ENTHD1: variants seen among roughly 807,000 people sequenced by gnomAD.
ENTHD1 encodes ENTH domain containing 1, also known as ENTH domain-containing protein 1.
ENTHD1 carries 23 observed loss-of-function variants against 39.1 expected under a neutral mutation model. The observed-to-expected ratio is 0.59, with a 90% CI of 0.42 to 0.83. The LOEUF (loss-of-function observed/expected upper bound fraction) is 0.83. Among genes scored for constraint, ENTHD1 ranks in the 40% least tolerant of loss-of-function variants. The pLI, the probability that ENTHD1 is intolerant of heterozygous loss-of-function variation, is 0.00. For missense variants in ENTHD1, 624 were observed against 705.4 expected, an observed-to-expected ratio of 0.88 and a Z score of 1.31; for synonymous variants, 230 against 258.2, an observed-to-expected ratio of 0.89 and a Z score of 1.05.
chr22:39,843,191 T>C (rs112198979), intron 3 of ENTHD1, among the ~76,000 whole-genome samples: 3 of 152,130 alleles, frequency 2.0e-5, no homozygotes, highest in East Asian at 1.9e-4. Flanking sequence ...TTCACAATAG[T>C]AAAGACTTGG....
rs2065227446 is a variant in ENTHD1, at chr22:39,760,823, T to C, written c.1219+4400A>G. On this transcript the variant is annotated intron_variant, in intron 6 of 6. Transcript: ENST00000325157. ...GCATGCTTAACTTATCGTGAGTTAA[T>C]CATAGTTAATACTGTACTATTTCAT... is the stretch of plus-strand genomic sequence containing the variant. Among the ~76,000 whole-genome samples the C allele has an allele frequency of 3.3e-5, 5 of 152,104 alleles. No individual in the cohort carries two copies. The South Asian group carries it at 1.0e-3, about 31-fold the overall frequency.
chr22:39,793,337 A>T (rs1243372205), intron 5 of ENTHD1, among the ~76,000 whole-genome samples: 4 of 146,556 alleles, frequency 2.7e-5, no homozygotes, highest in Non-Finnish European at 6.0e-5. Context: ...TGGGATTATT[A>T]GTTGTTTTTT....
intron 4 of ENTHD1, 137 bp from the exon 5 acceptor site, chr22:39,821,250 A>G (rs1312426217): frequency 9.1e-7 from 1 of 1,100,148 alleles, no homozygotes; most frequent in South Asian, 1.6e-5. Context: ...TCAAACATAC[A>G]TCTATCACTT....
chr22:39,794,584 C>T (rs1018468285), intron 5 of ENTHD1, among the ~76,000 whole-genome samples: 8 of 151,876 alleles, frequency 5.3e-5, no homozygotes, highest in East Asian at 1.9e-4. Flanking sequence ...AGATGGATCA[C>T]GAGGTCAGGA....
chr22:39,860,518 C>T (rs528374090), intron 3 of ENTHD1, among the ~76,000 whole-genome samples: 1 of 152,234 alleles, frequency 6.6e-6, no homozygotes, highest in African/African-American at 2.4e-5. Context: ...CAATGGCTAC[C>T]CTCTTATAAT....
intron 4 of ENTHD1, among the ~76,000 whole-genome samples, chr22:39,830,642 C>T (rs957534718): frequency 1.3e-5 from 2 of 152,136 alleles, no homozygotes; most frequent in Non-Finnish European, 1.5e-5. Flanking sequence ...GAGAAGCTAA[C>T]GTTCATTTAC....
At position 39,743,848 on chromosome 22, in the gene ENTHD1, A is replaced by G; in HGVS notation, c.1655T>C (p.Leu552Ser). 6.2e-7 allele frequency: 1 copy of G among 1,614,126 alleles called. No individual in the cohort carries two copies. Among genetic ancestry groups the G allele is most frequent in the Non-Finnish European group, 8.5e-7 (1 of 1,180,008 alleles). The change falls in exon 7 of 7, where the codon TTA becomes TCA. Residue 552 changes from leucine to serine, a missense_variant. Transcript: ENST00000325157. ...AGCGATCGCACGTTTTACCTCCCTT[A>G]AAAGAACACTAATGGAATTCTTTGC... ...PEAKNSISVL[L>S]REVKRAIARL...
intron 4 of ENTHD1, among the ~76,000 whole-genome samples, chr22:39,827,931 T>C (rs1482509164): frequency 6.6e-6 from 1 of 152,228 alleles, no homozygotes; most frequent in Non-Finnish European, 1.5e-5. Flanking sequence ...TATATATATA[T>C]GTATGTGTAT....
intron 3 of ENTHD1, among the ~76,000 whole-genome samples, chr22:39,842,542 G>T (rs1047594280): frequency 6.6e-6 from 1 of 152,070 alleles, no homozygotes; most frequent in African/African-American, 2.4e-5. Context: ...TCAGGACATA[G>T]GCATGGGCAA....
chr22:39,744,186 T>C lies in ENTHD1; in HGVS notation c.1317A>G (p.Pro439=), dbSNP rs114600441. ...SPEKSAHLLS[P]ILAGPSFWTL... ...TCCAGAAGGAAGGTCCGGCCAGAAT[T>C]GGTGATAAGAGATGAGCTGACTTCT... is the stretch of plus-strand genomic sequence containing the variant. The change falls in exon 7 of 7, where the codon CCA becomes CCG. Residue 439 remains proline (P), a synonymous_variant. Coordinates refer to ENST00000325157, the MANE Select transcript of ENTHD1 (RefSeq NM_152512.4). The C allele has an allele frequency of 1.2e-6, 2 of 1,614,012 alleles. No homozygotes were observed. Among genetic ancestry groups the C allele is most frequent in the African/African-American group, 2.7e-5 (2 of 75,008 alleles).
chr22:39,839,020 T>C (rs1214088331), intron 3 of ENTHD1, among the ~76,000 whole-genome samples: 2 of 152,140 alleles, frequency 1.3e-5, no homozygotes, highest in Non-Finnish European at 2.9e-5. Flanking sequence ...TGGATATAAC[T>C]TAACAGTTTG....
intron 1 of ENTHD1, among the ~76,000 whole-genome samples, chr22:39,889,264 G>A (rs1668910864): frequency 6.6e-6 from 1 of 152,188 alleles, no homozygotes; most frequent in Non-Finnish European, 1.5e-5. Flanking sequence ...GTGTCTATCA[G>A]ATCTCAAAAC....
chr22:39,780,675 CAATT>C (rs1212717560), intron 5 of ENTHD1, among the ~76,000 whole-genome samples: 1 of 152,064 alleles, frequency 6.6e-6, no homozygotes, highest in Non-Finnish European at 1.5e-5. Flanking sequence ...GAGGATATAA[CAATT>C]ATAACACTGA....
intron 5 of ENTHD1, among the ~76,000 whole-genome samples, chr22:39,781,795 C>T (rs1233067629): frequency 6.6e-6 from 1 of 151,544 alleles, no homozygotes; most frequent in African/African-American, 2.4e-5. Flanking sequence ...GAGAGATGAC[C>T]CAAATAACAT....
chr22:39,879,462 CAAAAAAAAAAAAAA>C (rs34372930), intron 2 of ENTHD1, among the ~76,000 whole-genome samples: 7 of 16,454 alleles, frequency 4.3e-4, no homozygotes, highest in Admixed American at 2.9e-3. Flanking sequence ...GACTCTGTCT[CAAAAAAAAAAAAAA>C]AAAAAAAAAA....
At chr22:39,824,738 A>G (rs2065813707) in intron 4 of ENTHD1, among the ~76,000 whole-genome samples, 1 of 151,996 alleles carries the variant, frequency 6.6e-6, no homozygotes, top group Non-Finnish European at 1.5e-5. Context: ...GTGTGTGTCT[A>G]TTTCTGGGTT....
chr22:39,872,813 A>G (rs8135811), intron 2 of ENTHD1, among the ~76,000 whole-genome samples: 15,044 of 152,026 alleles, frequency 0.099, 832 homozygotes, highest in African/African-American at 0.15. Context: ...TACAATGGCA[A>G]GAATATCACC....
In ENTHD1 at chr22:39,867,624, A is replaced by G. The variant is rs1018961253; in HGVS notation, c.350-5617T>C. ...TTACTTAGCTTTAGTCTCCCTTCCA[A>G]TCTACCCTCCACAATGCCTTCAGGT... On this transcript the variant is annotated intron_variant, in intron 2 of 6. Coordinates refer to ENST00000325157, the MANE Select transcript of ENTHD1 (RefSeq NM_152512.4). This position sits in a 1 kb window ranked among gnomAD's most constrained non-coding sequence, Gnocchi z 4.5. Among the ~76,000 whole-genome samples the G allele has an allele frequency of 4.0e-5, 6 of 151,896 alleles. No homozygotes were observed. The highest frequency in any genetic ancestry group is 9.7e-5 in the African/African-American group (4 of 41,318).
At chr22:39,766,019 C>CAA (rs11367784) in intron 5 of ENTHD1, among the ~76,000 whole-genome samples, 539 of 48,370 alleles carry the variant, frequency 0.011, 6 homozygotes, top group Middle Eastern at 0.028. Context: ...CCCTCAGCTA[C>CAA]AAAAAAAAAA....
Sources: allele counts gnomAD v4.1 joint callset (sites outside exome capture counted in the v4.1 genomes callset), GRCh38; gene constraint gnomAD v4.1.1; non-coding constraint Gnocchi (gnomAD v3.1); transcripts MANE v1.5; gene names NCBI Gene and HGNC (gene_info 2026-07-23, HGNC 2026-07-21).